The following RIGI variants were observed in gnomAD, a reference collection of about 807,000 sequenced individuals.
RIGI encodes RNA sensor RIG-I, also known as antiviral innate immune response receptor RIG-I.
the RIGI span, among the ~76,000 whole-genome samples, chr9:32,502,840 C>T: frequency 6.6e-6 from 1 of 152,204 alleles, no homozygotes; most frequent in African/African-American, 2.4e-5. Context: ...CTCGTTGTCT[C>T]TATGTCTTCA....
At chr9:32,481,588 CT>C in the RIGI span, 31,970 of 709,968 alleles carry the variant, frequency 0.045, no homozygotes, top group East Asian at 0.073. Context: ...TTTTCTTTTT[CT>C]TTTTTTTTTT....
the RIGI span, among the ~76,000 whole-genome samples, chr9:32,502,958 A>G: frequency 2.6e-5 from 4 of 152,322 alleles, no homozygotes; most frequent in Non-Finnish European, 4.4e-5. Flanking sequence ...CAGTCTCCCA[A>G]TAAATCACAT....
chr9:32,466,501 A>T, the RIGI span: 1 of 1,432,778 alleles, frequency 7.0e-7, no homozygotes, highest in Non-Finnish European at 9.3e-7. Context: ...TATAATCTGC[A>T]AATAGGTAAA....
the RIGI span, among the ~76,000 whole-genome samples, chr9:32,515,527 T>C: frequency 6.6e-6 from 1 of 152,218 alleles, no homozygotes; most frequent in Non-Finnish European, 1.5e-5. Context: ...GAACCCACAG[T>C]GTAACCAAAT....
the RIGI span, among the ~76,000 whole-genome samples, chr9:32,503,693 C>A: frequency 4.6e-5 from 7 of 152,160 alleles, no homozygotes; most frequent in African/African-American, 1.7e-4. Flanking sequence ...ACTCAGAATA[C>A]TGCCCACCTG....
chr9:32,512,753 T>G, the RIGI span, among the ~76,000 whole-genome samples: 1 of 152,190 alleles, frequency 6.6e-6, no homozygotes, highest in Non-Finnish European at 1.5e-5. Context: ...TAAAGGGTAT[T>G]CAATTAGGAA....
chr9:32,494,002 T>C, the RIGI span: 1 of 1,277,498 alleles, frequency 7.8e-7, no homozygotes, highest in South Asian at 1.4e-5. Context: ...TACTTTGAGA[T>C]TAGTATCATA....
chr9:32,511,180 A>C, the RIGI span, among the ~76,000 whole-genome samples: 1 of 152,002 alleles, frequency 6.6e-6, no homozygotes, highest in African/African-American at 2.4e-5. Flanking sequence ...AGATCAACAA[A>C]ACAGAAAATT....
chr9:32,519,546 G>A, the RIGI span, among the ~76,000 whole-genome samples: 1 of 152,120 alleles, frequency 6.6e-6, no homozygotes, highest in South Asian at 2.1e-4. Flanking sequence ...ATTATTATTG[G>A]TTATTTGGAA....
At chr9:32,460,044 TG>T in the RIGI span, among the ~76,000 whole-genome samples, 10 of 152,296 alleles carry the variant, frequency 6.6e-5, no homozygotes, top group Middle Eastern at 3.4e-3. Context: ...AATTGAATCA[TG>T]GGGGGCCAGT....
At chr9:32,460,641 G>C in the RIGI span, among the ~76,000 whole-genome samples, 2 of 152,108 alleles carry the variant, frequency 1.3e-5, no homozygotes, top group Admixed American at 1.3e-4. Context: ...GTTTAGAACT[G>C]AAAGATACAA....
the RIGI span, among the ~76,000 whole-genome samples, chr9:32,486,206 CTT>C: frequency 6.6e-6 from 1 of 151,988 alleles, no homozygotes; most frequent in Non-Finnish European, 1.5e-5. Context: ...AATCCTAACA[CTT>C]TGGGAGGCCG....
chr9:32,478,667 C>T, the RIGI span, among the ~76,000 whole-genome samples: 1 of 152,174 alleles, frequency 6.6e-6, no homozygotes, highest in Non-Finnish European at 1.5e-5. Flanking sequence ...TCAGGTGATC[C>T]TCCCACCTCA....
the RIGI span, among the ~76,000 whole-genome samples, chr9:32,460,075 T>C: frequency 7.9e-5 from 12 of 152,358 alleles, no homozygotes; most frequent in African/African-American, 2.4e-4. Context: ...GCTATTCTTA[T>C]GATAGTGATT....
the RIGI span, chr9:32,481,496 T>C: frequency 6.4e-7 from 1 of 1,554,960 alleles, no homozygotes; most frequent in Non-Finnish European, 8.7e-7. Flanking sequence ...GAGATAAGTT[T>C]TCTGTTAAAA....
At chr9:32,525,340 T>A in the RIGI span, among the ~76,000 whole-genome samples, 1 of 152,208 alleles carries the variant, frequency 6.6e-6, no homozygotes, top group Non-Finnish European at 1.5e-5. Flanking sequence ...CATCGGGTGC[T>A]CTACAGCTGG....
chr9:32,467,720 A>G, the RIGI span: 1 of 1,514,252 alleles, frequency 6.6e-7, no homozygotes, highest in Non-Finnish European at 8.9e-7. Flanking sequence ...TAAATCAGTC[A>G]AAACAGAATC....
the RIGI span, among the ~76,000 whole-genome samples, chr9:32,515,300 A>G: frequency 3.4e-5 from 5 of 145,146 alleles, no homozygotes; most frequent in Admixed American, 7.0e-5. Context: ...CCTGGGTGAC[A>G]GAGCAGGACT....
the RIGI span, chr9:32,481,543 GTC>G: frequency 7.4e-7 from 1 of 1,348,510 alleles, no homozygotes; most frequent in Non-Finnish European, 1.0e-6. Context: ...CATATGGTCA[GTC>G]ATTTAGGGTT....
Sources: allele counts gnomAD v4.1 joint callset (sites outside exome capture counted in the v4.1 genomes callset), GRCh38; gene constraint gnomAD v4.1.1; transcripts MANE v1.5; gene names NCBI Gene and HGNC (gene_info 2026-07-23, HGNC 2026-07-21).